NSD1: variants seen among roughly 807,000 people sequenced by gnomAD.
NSD1 encodes nuclear receptor binding SET domain protein 1, also known as histone-lysine N-methyltransferase, H3 lysine-36 specific.
NSD1 carries 26 observed loss-of-function variants against 242.7 expected under a neutral mutation model. The observed-to-expected ratio is 0.11, with a 90% CI of 0.08 to 0.15. NSD1 has a LOEUF of 0.15. NSD1 is among the 10% of genes least tolerant of loss of function. The probability of loss-of-function intolerance (pLI) is 1.00; values close to 1 mark genes in which losing one functional copy is unlikely to be tolerated. For missense variants in NSD1, 2,495 were observed against 3,272.8 expected (o/e 0.76, Z 5.80); for synonymous variants, 1,106 against 1,178.1 (o/e 0.94, Z 1.25).
In NSD1 at chr5:177,295,629, T is replaced by TG. The variant is rs1257033629; in HGVS notation, c.*175dup. Reference sequence around the variant, plus strand: ...TCAGAACTCTTGTGACATTAGCCAGTGGGGGCTTATGGTTGTGTGAACCAT... The same window carrying TG: ...TCAGAACTCTTGTGACATTAGCCAGTGGGGGGCTTATGGTTGTGTGAACCAT... On this transcript the variant is annotated 3_prime_UTR_variant, in exon 23 of 23. Transcript: ENST00000439151. The surrounding 1 kb of genome is among the most constrained non-coding windows in gnomAD (Gnocchi z 4.3). 3 of 745,966 alleles carry TG rather than the reference T, an allele frequency of 4.0e-6. No individual in the cohort carries two copies. The highest frequency in any genetic ancestry group is 3.5e-5 in the African/African-American group (2 of 57,414). The allele number at this position is 745,966 out of a possible 1,614,324, so 46.2% of individuals were successfully genotyped here. A position where few individuals can be genotyped will look rare whatever the true frequency, so the allele number is the denominator to read the frequency against.
upstream of NSD1, chr5:177,133,694 A>G (rs1323232442): frequency 6.7e-6 from 1 of 148,332 alleles, no homozygotes; most frequent in African/African-American, 2.5e-5. This position sits in a 1 kb window ranked among gnomAD's most constrained non-coding sequence, Gnocchi z 6.2. Flanking sequence ...CTCGGGGCCC[A>G]GCCGCACGCG....
chr5:177,210,163 C>T lies in NSD1; in HGVS notation c.1764C>T (p.Asp588=). The T allele has an allele frequency of 6.2e-7, 1 of 1,610,774 alleles. No homozygotes were observed. Among genetic ancestry groups the T allele is most frequent in the Non-Finnish European group, 8.5e-7 (1 of 1,178,888 alleles). ...AAGAATTTGAGACTTCAAATGGTGA[C>T]TCTTTATTGGGCTTGCCTGAGGGTG... is the stretch of plus-strand genomic sequence containing the variant. The part of the protein sequence containing the change: ...AKKEFETSNG[D]SLLGLPEGAL... Residue 588 remains aspartate (D), a synonymous_variant, in exon 5 of 23, where the codon GAC becomes GAT. Coordinates refer to ENST00000439151, the MANE Select transcript of NSD1 (RefSeq NM_022455.5).
intron 12 of NSD1, among the ~76,000 whole-genome samples, chr5:177,255,559 T>TTTTG (rs1756362956): frequency 1.3e-5 from 2 of 151,988 alleles, no homozygotes; most frequent in African/African-American, 4.8e-5. Context: ...AGGTCTGTGG[T>TTTTG]TTTTGTTTTG....
At chr5:177,263,170 G>T (rs1014877037) in intron 14 of NSD1, among the ~76,000 whole-genome samples, 1 of 152,224 alleles carries the variant, frequency 6.6e-6, no homozygotes, top group African/African-American at 2.4e-5. Context: ...TGTCATGGAC[G>T]TGATCGTCAC....
chr5:177,282,272 G>A (rs978487118), intron 18 of NSD1, among the ~76,000 whole-genome samples, 193 bp from the exon 19 acceptor site: 2 of 152,206 alleles, frequency 1.3e-5, no homozygotes, highest in African/African-American at 4.8e-5. Context: ...GCTGCTGACA[G>A]TGGTAGGAGT....
chr5:177,273,733 G>T lies in NSD1; in HGVS notation c.5571G>T (p.Leu1857=), dbSNP rs552216286. 1.2e-6 allele frequency: 2 copies of T among 1,613,904 alleles called. No individual in the cohort carries two copies. Among genetic ancestry groups the T allele is most frequent in the East Asian group, 2.2e-5 (1 of 44,876 alleles). ...AGGCCCAAAAAGAGCTAAGACAGCT[G>T]CAGGAAGACCGAAAGAATGACAAGA... The part of the protein sequence containing the change: ...ELKAQKELRQ[L]QEDRKNDKKP... The change falls in exon 17 of 23, where the codon CTG becomes CTT. Residue 1857 remains leucine, a synonymous_variant. Transcript: ENST00000439151.
intron 2 of NSD1, among the ~76,000 whole-genome samples, chr5:177,185,426 T>G (rs1374352304): frequency 6.6e-6 from 1 of 151,394 alleles, no homozygotes; most frequent in African/African-American, 2.4e-5. Context: ...GGTGAAACCC[T>G]GTCTCTCCTA....
upstream of NSD1, chr5:177,133,040 T>TGTGGTGGTG (rs561454196): frequency 6.5e-6 from 1 of 153,310 alleles, no homozygotes; most frequent in African/African-American, 2.4e-5. The surrounding 1 kb of genome is among the most constrained non-coding windows in gnomAD (Gnocchi z 6.2). Flanking sequence ...CAGCTTGGTC[T>TGTGGTGGTG]GTGGTGGTGG....
rs568749579 is a variant in NSD1, at chr5:177,219,655, G to A, written c.3796+7460G>A. Among the ~76,000 whole-genome samples the A allele has an allele frequency of 7.6e-4, 115 of 152,118 alleles. 2 individuals carry two copies. The highest frequency in any genetic ancestry group is 2.6e-3 in the African/African-American group (108 of 41,518). On this transcript the variant is annotated intron_variant, in intron 5 of 22. Coordinates refer to ENST00000439151, the MANE Select transcript of NSD1 (RefSeq NM_022455.5). ...GGAACAGATACTTGGTATGATTTCA[G>A]TCTTCATAAATTTGTTAAGACTTGT...
At chr5:177,182,006 G>A (rs1258094766) in intron 2 of NSD1, among the ~76,000 whole-genome samples, 2 of 151,968 alleles carry the variant, frequency 1.3e-5, no homozygotes, top group Non-Finnish European at 2.9e-5. Context: ...CAAAAAATTA[G>A]CCAGGCATGG....
chr5:177,222,403 T>C (rs1300171488), intron 5 of NSD1, among the ~76,000 whole-genome samples: 2 of 152,188 alleles, frequency 1.3e-5, no homozygotes, highest in African/African-American at 4.8e-5. Flanking sequence ...TATTCTATAT[T>C]CAACCCTTTG....
At chr5:177,220,258 G>T (rs1764125509) in intron 5 of NSD1, among the ~76,000 whole-genome samples, 1 of 152,144 alleles carries the variant, frequency 6.6e-6, no homozygotes, top group East Asian at 1.9e-4. Flanking sequence ...ATAGCTTCCT[G>T]ATGAATTGAC....
Position 177,135,990 on chromosome 5 carries a change from C to T in NSD1, c.887C>T (p.Pro296Leu). Residue 296 changes from proline (P) to leucine (L), a missense_variant, in exon 2 of 23, where the codon CCT becomes CTT. Physicochemically the swap from Pro to Leu is moderately conservative, Grantham distance 98. Coordinates refer to ENST00000439151, the MANE Select transcript of NSD1 (RefSeq NM_022455.5). The stretch of plus-strand genomic sequence containing the variant: ...ACATTAGGAAACATGCTAGAATTAC[C>T]TGGAACTTCATCATCATCTACTTCA... ...TSTLGNMLEL[P>L]GTSSSSTSQE... is the part of the protein sequence containing the mutation. 6.2e-7 allele frequency: 1 copy of T among 1,614,054 alleles called. No homozygotes were observed. The highest frequency in any genetic ancestry group is 8.5e-7 in the Non-Finnish European group (1 of 1,180,014).
chr5:177,156,114 T>C (rs1758111118), intron 2 of NSD1, among the ~76,000 whole-genome samples: 1 of 151,568 alleles, frequency 6.6e-6, no homozygotes, highest in Non-Finnish European at 1.5e-5. Flanking sequence ...CTAGGTATTC[T>C]AGGGCATTTA....
At chr5:177,261,098 T>C (rs945176402) in intron 14 of NSD1, among the ~76,000 whole-genome samples, 3 of 151,960 alleles carry the variant, frequency 2.0e-5, no homozygotes, top group African/African-American at 7.3e-5. Flanking sequence ...CAGGCTGGAG[T>C]GAAGTGGTAC....
chr5:177,156,174 A>G (rs1053177306), intron 2 of NSD1, among the ~76,000 whole-genome samples: 3 of 78,012 alleles, frequency 3.8e-5, no homozygotes, highest in Non-Finnish European at 2.3e-5. Context: ...CTCTTTTCAG[A>G]TTTTTTTTTT....
intron 2 of NSD1, among the ~76,000 whole-genome samples, chr5:177,187,002 A>G (rs1050857188): frequency 6.6e-6 from 1 of 152,152 alleles, no homozygotes; most frequent in East Asian, 1.9e-4. Flanking sequence ...ACACTTTGCA[A>G]ACAAATTCTA....
intron 3 of NSD1, among the ~76,000 whole-genome samples, chr5:177,195,655 G>T (rs1762053570): frequency 6.6e-6 from 1 of 152,064 alleles, no homozygotes; most frequent in South Asian, 2.1e-4. Flanking sequence ...TTTTTGTAGA[G>T]ACAGGGTTTT....
intron 17 of NSD1, 84 bp from the exon 18 acceptor site, chr5:177,280,481 A>G: frequency 6.5e-7 from 1 of 1,529,924 alleles, no homozygotes; most frequent in Non-Finnish European, 9.1e-7. Flanking sequence ...TGCAACTTCA[A>G]GGAAAAAAAG....
Sources: gnomAD v4.1 joint callset for allele counts (sites outside exome capture counted in the v4.1 genomes callset) on GRCh38, gnomAD v4.1.1 for gene constraint, Gnocchi (gnomAD v3.1) non-coding constraint, MANE v1.5 for transcripts, NCBI Gene and HGNC (gene_info 2026-07-23, HGNC 2026-07-21) for gene names.